The following ADGRV1 variants were observed in gnomAD, a reference collection of about 807,000 sequenced individuals.
ADGRV1 encodes the protein G-protein coupled receptor 98.
Under a neutral mutation model 596.2 loss-of-function variants are expected in ADGRV1, and 359 were observed. That is an observed-to-expected ratio of 0.60 (90% CI 0.55 to 0.66). The LOEUF (loss-of-function observed/expected upper bound fraction) is 0.66. Among genes scored for constraint, ADGRV1 ranks in the 30% least tolerant of loss-of-function variants. The pLI, the probability that ADGRV1 is intolerant of heterozygous loss-of-function variation, is 0.00. For synonymous variants in ADGRV1, 2,681 were observed against 2,679.2 expected (o/e 1.00, Z -0.02); for missense variants, 7,274 against 7,575.6 (o/e 0.96, Z 1.48).
intron 85 of ADGRV1, among the ~76,000 whole-genome samples, chr5:91,048,802 T>G (rs1221722278): frequency 6.6e-6 from 1 of 152,188 alleles, no homozygotes; most frequent in Non-Finnish European, 1.5e-5. Flanking sequence ...AACTTCCAGT[T>G]TAACAGCAAG....
intron 23 of ADGRV1, among the ~76,000 whole-genome samples, chr5:90,674,852 G>A (rs144162530): frequency 9.5e-4 from 145 of 152,208 alleles, no homozygotes; most frequent in African/African-American, 3.4e-3. Flanking sequence ...ATTTTTAAGT[G>A]TTGCAACTCC....
chr5:90,947,958 G>T (rs950599233), intron 83 of ADGRV1, among the ~76,000 whole-genome samples: 1 of 152,078 alleles, frequency 6.6e-6, no homozygotes, highest in African/African-American at 2.4e-5. Context: ...AAACACAAAA[G>T]AAGTCTTTGG....
intron 83 of ADGRV1, among the ~76,000 whole-genome samples, chr5:90,924,266 A>G (rs936581037): frequency 4.6e-5 from 7 of 151,234 alleles, no homozygotes; most frequent in Admixed American, 2.0e-4. Flanking sequence ...AAGTGTTCCT[A>G]TTTCTCCACA....
chr5:90,625,199 G>C lies in ADGRV1; in HGVS notation c.628G>C (p.Gly210Arg). ...PVKGNITFPP[G>R]RATVIYNLTV... Reference sequence around the variant, plus strand: ...TAAAGGAAATATCACCTTTCCCCCTGGCAGAGCAACAGTAATTTATAACTT... The same window carrying C: ...TAAAGGAAATATCACCTTTCCCCCTCGCAGAGCAACAGTAATTTATAACTT... The change falls in exon 6 of 90, where the codon GGC (glycine) becomes CGC (arginine). Residue 210 changes from glycine (G) to arginine (R), a missense_variant. This residue lies in a region of ADGRV1 where 1,715 missense variants were observed against 1,708.8 expected (regional missense o/e 1.00). Coordinates refer to ENST00000405460, the MANE Select transcript of ADGRV1 (RefSeq NM_032119.4). The C allele has an allele frequency of 1.2e-6, 2 of 1,613,558 alleles. No homozygotes were observed. The highest frequency in any genetic ancestry group is 3.3e-5 in the Admixed American group (2 of 60,010).
intron 83 of ADGRV1, among the ~76,000 whole-genome samples, chr5:90,960,364 T>G (rs1426774737): frequency 6.6e-6 from 1 of 152,164 alleles, no homozygotes; most frequent in African/African-American, 2.4e-5. Flanking sequence ...AAAGCTGTTT[T>G]TTAAACAAAC....
chr5:90,954,098 C>T (rs542856042), intron 83 of ADGRV1, among the ~76,000 whole-genome samples: 6 of 148,504 alleles, frequency 4.0e-5, no homozygotes, highest in East Asian at 2.0e-4. Flanking sequence ...TTAATGATAA[C>T]AAAATATATT....
intron 85 of ADGRV1, among the ~76,000 whole-genome samples, chr5:91,028,741 T>TG (rs1218335582): frequency 6.7e-6 from 1 of 148,498 alleles, no homozygotes; most frequent in Non-Finnish European, 1.5e-5. Flanking sequence ...TGTTTTTTTT[T>TG]TTTTTTTTTT....
chr5:90,850,264 C>T (rs1416493889), intron 79 of ADGRV1, among the ~76,000 whole-genome samples: 1 of 152,174 alleles, frequency 6.6e-6, no homozygotes, highest in Non-Finnish European at 1.5e-5. Context: ...CAACATATCC[C>T]TATACTCTAC....
chr5:90,967,388 C>T (rs577807729), intron 84 of ADGRV1, among the ~76,000 whole-genome samples: 9 of 152,218 alleles, frequency 5.9e-5, no homozygotes, highest in African/African-American at 2.2e-4. Flanking sequence ...AAAAAATTTG[C>T]AAATAAAAGT....
chr5:90,859,123 T>C (rs1460146944), intron 82 of ADGRV1, among the ~76,000 whole-genome samples: 3 of 152,028 alleles, frequency 2.0e-5, no homozygotes, highest in Admixed American at 6.6e-5. Context: ...AGTTCATTGG[T>C]TGTTTTGTAG....
chr5:90,906,955 A>C (rs1772381784), intron 83 of ADGRV1, among the ~76,000 whole-genome samples: 1 of 152,198 alleles, frequency 6.6e-6, no homozygotes, highest in Non-Finnish European at 1.5e-5. Context: ...GGAGATGCAC[A>C]TCTAAACCTG....
intron 81 of ADGRV1, among the ~76,000 whole-genome samples, 161 bp from the exon 82 acceptor site, chr5:90,855,580 T>G (rs1766946600): frequency 1.3e-5 from 2 of 152,218 alleles, no homozygotes; most frequent in Admixed American, 1.3e-4. Flanking sequence ...TGTCATGTCC[T>G]GGACAAGATG....
At position 90,728,877 on chromosome 5, in the gene ADGRV1, A is replaced by G. The variant is rs753763098; in HGVS notation, c.10370A>G (p.Glu3457Gly). 1.2e-6 allele frequency: 2 copies of G among 1,613,588 alleles called. No individual in the cohort carries two copies. Among genetic ancestry groups the G allele is most frequent in the Non-Finnish European group, 1.7e-6 (2 of 1,179,714 alleles). ...EVPVSGTTEVEALSSANDIYL... is the reference protein window; with the variant it reads ...EVPVSGTTEVGALSSANDIYL... ...CCTGTCAGTGGGACAACAGAAGTTG[A>G]GGCTTTGTCTTCAGCCAATGATATT... The change falls in exon 49 of 90, where the codon GAG becomes GGG. Residue 3457 changes from glutamate to glycine, a missense_variant. Transcript: ENST00000405460.
intron 83 of ADGRV1, among the ~76,000 whole-genome samples, chr5:90,930,379 C>T (rs988456153): frequency 9.9e-5 from 15 of 152,192 alleles, no homozygotes; most frequent in African/African-American, 2.4e-4. Context: ...AAAAAAAATA[C>T]GTATTTTTAT....
rs565757740 is a variant in ADGRV1 at position 90,899,614 on chromosome 5, T to C, written c.17856+35757T>C. ...TCAGTACTTGTCTTATAAATGACTT[T>C]ATGCTTTTCTCCCTCTGCCTCATCC... On this transcript the variant is annotated intron_variant, in intron 83 of 89. Transcript: ENST00000405460. 2.0e-5 allele frequency among the ~76,000 whole-genome samples: 3 copies of C among 152,324 alleles called. No homozygotes were observed. In the South Asian group the frequency reaches 6.2e-4, roughly 32 times the overall value.
At chr5:90,715,133 C>G (rs969391318) in intron 42 of ADGRV1, among the ~76,000 whole-genome samples, 1 of 152,146 alleles carries the variant, frequency 6.6e-6, no homozygotes, top group African/African-American at 2.4e-5. Context: ...TGTGTTCTCT[C>G]AAAACCAAAC....
intron 82 of ADGRV1, among the ~76,000 whole-genome samples, chr5:90,860,145 C>T (rs1767408761): frequency 6.6e-6 from 1 of 151,920 alleles, no homozygotes; most frequent in Non-Finnish European, 1.5e-5. Context: ...CCACATGTGA[C>T]TAGTGGCTAT....
chr5:90,834,955 T>C (rs1764851158), intron 77 of ADGRV1, among the ~76,000 whole-genome samples: 1 of 143,716 alleles, frequency 7.0e-6, no homozygotes, highest in African/African-American at 3.0e-5. Flanking sequence ...TCTTTCTCCT[T>C]CCTTCCTTCC....
At chr5:90,735,460 T>C (rs556561127) in intron 50 of ADGRV1, among the ~76,000 whole-genome samples, 66 of 152,322 alleles carry the variant, frequency 4.3e-4, no homozygotes, top group African/African-American at 1.5e-3. Flanking sequence ...TCCAGCCTTG[T>C]TCTTTTTGCT....
Sources: gnomAD v4.1 joint callset for allele counts (sites outside exome capture counted in the v4.1 genomes callset) on GRCh38, gnomAD v4.1.1 for gene constraint, gnomAD v4.1.1 regional missense constraint, MANE v1.5 for transcripts, NCBI Gene and HGNC (gene_info 2026-07-23, HGNC 2026-07-21) for gene names.